MAEL: variants seen among roughly 807,000 people sequenced by gnomAD.
The protein encoded by MAEL is maelstrom spermatogenic transposon silencer.
In MAEL, 46 loss-of-function variants were observed where a neutral mutation model predicts 62.0. The observed-to-expected ratio is 0.74, with a 90% CI of 0.59 to 0.95. The LOEUF (loss-of-function observed/expected upper bound fraction) is 0.95, where lower values mean the gene tolerates loss of function less well. Ranked by LOEUF, MAEL falls within the 40% of genes least tolerant of loss-of-function variation. The pLI is 0.00. For synonymous variants in MAEL, 172 were observed against 175.5 expected (o/e 0.98, Z 0.16); for missense variants, 497 against 526.8 (o/e 0.94, Z 0.55).
chr1:166,989,165 G>C (rs562857566), upstream of MAEL: 24 of 799,048 alleles, frequency 3.0e-5, 1 homozygote, highest in Middle Eastern at 1.2e-3. Flanking sequence ...AAGGCGGCAC[G>C]AGCCGGAATC....
upstream of MAEL, among the ~76,000 whole-genome samples, chr1:166,988,878 T>C (rs1184321103): frequency 6.6e-6 from 1 of 152,192 alleles, no homozygotes; most frequent in Non-Finnish European, 1.5e-5. Context: ...CTCATTCGAT[T>C]GTAAACTTGA....
At chr1:166,996,040 T>C (rs138694733) in intron 5 of MAEL, among the ~76,000 whole-genome samples, 57 of 152,356 alleles carry the variant, frequency 3.7e-4, no homozygotes, top group African/African-American at 1.3e-3. Flanking sequence ...TTAAAATGTT[T>C]GGAGCTTACC....
chr1:166,998,036 T>G (rs1408647572), intron 5 of MAEL, among the ~76,000 whole-genome samples: 1 of 152,202 alleles, frequency 6.6e-6, no homozygotes, highest in Admixed American at 6.5e-5. Context: ...GTTCTCTTTA[T>G]TCTGTTCTGT....
chr1:166,994,139 T>C, intron 5 of MAEL, 70 bp downstream of exon 5: 3 of 1,318,524 alleles, frequency 2.3e-6, no homozygotes, highest in Non-Finnish European at 3.2e-6. Context: ...TTATTCCTTT[T>C]ACACACAAAC....
upstream of MAEL, among the ~76,000 whole-genome samples, chr1:166,987,240 C>CCTTGAGAAA: frequency 6.6e-6 from 1 of 152,276 alleles, no homozygotes; most frequent in East Asian, 1.9e-4. Flanking sequence ...TTTATAACTA[C>CCTTGAGAAA]AGTTTTACCT....
At position 167,005,486 on chromosome 1, in the gene MAEL, A is replaced by G; in HGVS notation, c.845+89A>G. The G allele has an allele frequency of 1.0e-5, 11 of 1,083,708 alleles. No individual in the cohort carries two copies. The South Asian group carries it at 1.0e-4, about 10-fold the overall frequency. The allele number at this position is 1,083,708 out of a possible 1,614,324, so 67.1% of individuals were successfully genotyped here. A position where few individuals can be genotyped will look rare whatever the true frequency, so the allele number is the denominator to read the frequency against. ...AGGACTATTTTTGCCTTTTTATGCA[A>G]TATTTTCCCATGAAAGCTTGGAATC... On this transcript the variant is annotated intron_variant, in intron 8 of 11. Transcript: ENST00000367872.
At position 166,991,447 on chromosome 1, in the gene MAEL, A is replaced by G. The variant is rs961141009; in HGVS notation, c.295A>G (p.Met99Val). The change falls in exon 3 of 12, where the codon ATG (methionine) becomes GTG (valine). Residue 99 changes from methionine to valine, a missense_variant. By Grantham distance (21) the Met-to-Val change is conservative. Transcript: ENST00000367872. ...VPKQNVSPPD[M>V]SALSLKGDQA... is the part of the protein sequence containing the mutation. ...AAAGCAGAATGTTTCACCTCCAGAT[A>G]TGTCAGCTTTGTCTTTAAAAGGTGA... 3 of 1,612,970 alleles carry G rather than the reference A, an allele frequency of 1.9e-6. No homozygotes were observed. Among genetic ancestry groups the G allele is most frequent in the Non-Finnish European group, 2.5e-6 (3 of 1,179,070 alleles).
At chr1:167,009,481 A>T (rs1480367469) in intron 8 of MAEL, among the ~76,000 whole-genome samples, 4 of 151,970 alleles carry the variant, frequency 2.6e-5, no homozygotes, top group African/African-American at 9.7e-5. Context: ...TTTCATTTTT[A>T]AAGTCTAATA....
chr1:167,020,375 C>G (rs1665573506), intron 10 of MAEL, among the ~76,000 whole-genome samples: 1 of 152,148 alleles, frequency 6.6e-6, no homozygotes, highest in South Asian at 2.1e-4. Context: ...CCTCCTATGC[C>G]TGTGACACTA....
intron 10 of MAEL, among the ~76,000 whole-genome samples, chr1:167,020,747 A>G (rs143252080): frequency 6.6e-6 from 1 of 152,196 alleles, no homozygotes; most frequent in Non-Finnish European, 1.5e-5. Flanking sequence ...CTGCTTGTAT[A>G]TTAGATTTCC....
chr1:166,988,515 GGGA>G (rs1664003289), upstream of MAEL, among the ~76,000 whole-genome samples: 1 of 151,916 alleles, frequency 6.6e-6, no homozygotes, highest in Non-Finnish European at 1.5e-5. Flanking sequence ...AATTTTCTCT[GGGA>G]AACGTAATTA....
At chr1:166,991,045 A>C (rs16858259) in intron 2 of MAEL, among the ~76,000 whole-genome samples, 12,519 of 152,182 alleles carry the variant, frequency 0.082, 1,227 homozygotes, top group African/African-American at 0.24. Context: ...AAACAAGCAA[A>C]ATTAGAGTAC....
At chr1:167,018,537 A>G (rs2102131696) in intron 10 of MAEL, among the ~76,000 whole-genome samples, 1 of 152,270 alleles carries the variant, frequency 6.6e-6, no homozygotes, top group East Asian at 1.9e-4. Context: ...AACAAGAACA[A>G]TAATAGGGGC....
intron 2 of MAEL, 105 bp downstream of exon 2, chr1:166,989,934 G>A (rs1664092835): frequency 1.1e-6 from 1 of 893,870 alleles, no homozygotes; most frequent in Non-Finnish European, 1.7e-6. Context: ...TGCTTTGGGG[G>A]TTCGGTTAGT....
Position 167,021,708 on chromosome 1 carries a change from CA to C in MAEL, c.1159del (p.Ser387AlafsTer11). The C allele has an allele frequency of 6.2e-7, 1 of 1,610,938 alleles. No homozygotes were observed. Among genetic ancestry groups the C allele is most frequent in the South Asian group, 1.1e-5 (1 of 90,296 alleles). ...SRAKISGQNS[S>X]VRGRGITRLL... ...GGGCAAAAATTTCTGGCCAAAACAG[CA>C]GCGTTCGGGGAAGAGGAATTACCCG... is the stretch of plus-strand genomic sequence containing the variant. On this transcript the variant is annotated frameshift_variant, in exon 12 of 12. Transcript: ENST00000367872. LOFTEE classifies it high-confidence loss of function.
At position 167,021,122 on chromosome 1, in the gene MAEL, A is replaced by C. The variant is rs34554682; in HGVS notation, c.1079A>C (p.Asn360Thr). 7 of 1,612,210 alleles carry C rather than the reference A, an allele frequency of 4.3e-6. No homozygotes were observed. The highest frequency in any genetic ancestry group is 2.2e-5 in the South Asian group (2 of 90,994). Residue 360 changes from asparagine (N) to threonine (T), a missense_variant, in exon 11 of 12, where the codon AAC becomes ACC. By Grantham distance (65) the Asn-to-Thr change is moderately conservative. Coordinates refer to ENST00000367872, the MANE Select transcript of MAEL (RefSeq NM_032858.3). The part of the protein sequence containing the change: ...RVGSSGFSHF[N>T]SSNEEQRSNT... ...GGGAGTTCAGGATTCTCTCATTTCA[A>C]CTCTTCTAATGAGGAACAAAGATCA...
intron 5 of MAEL, among the ~76,000 whole-genome samples, chr1:167,001,782 G>A (rs527964886): frequency 2.0e-5 from 3 of 152,200 alleles, no homozygotes; most frequent in African/African-American, 7.2e-5. Context: ...TGTTCATGTG[G>A]CCATTAATTT....
Position 167,005,100 on chromosome 1 carries a change from T to A in MAEL, c.673T>A (p.Trp225Arg). The A allele has an allele frequency of 6.2e-7, 1 of 1,613,678 alleles. No homozygotes were observed. Among genetic ancestry groups the A allele is most frequent in the African/African-American group, 1.3e-5 (1 of 75,020 alleles). ...CKSDDRTRVN[W>R]CLKHMAKASE... ...GTCTGATGATAGAACCAGAGTCAAC[T>A]GGTGTTTGAAGCATATGGCAAAGGC... is the stretch of plus-strand genomic sequence containing the variant. The change falls in exon 7 of 12, where the codon TGG becomes AGG. Residue 225 changes from tryptophan to arginine, a missense_variant. Transcript: ENST00000367872.
intron 1 of MAEL, among the ~76,000 whole-genome samples, chr1:166,977,417 A>G (rs1663626248): frequency 6.6e-6 from 1 of 152,188 alleles, no homozygotes; most frequent in African/African-American, 2.4e-5. Context: ...ATTTAACCCT[A>G]AAGAGGGAAC....
Sources: gnomAD v4.1 joint callset for allele counts (sites outside exome capture counted in the v4.1 genomes callset) on GRCh38, gnomAD v4.1.1 for gene constraint, MANE v1.5 for transcripts, NCBI Gene and HGNC (gene_info 2026-07-23, HGNC 2026-07-21) for gene names.